PRKCQ: variants seen among roughly 807,000 people sequenced by gnomAD.
The protein encoded by PRKCQ is protein kinase C theta.
Under a neutral mutation model 91.2 loss-of-function variants are expected in PRKCQ, and 41 were observed. The ratio of observed to expected loss-of-function variants is 0.45; its 90% CI spans 0.35 to 0.58. PRKCQ has a LOEUF of 0.58. PRKCQ is among the 20% of genes least tolerant of loss of function. PRKCQ has a pLI of 0.00. For missense variants in PRKCQ, 673 were observed against 896.5 expected, an observed-to-expected ratio of 0.75 and a Z score of 3.18; for synonymous variants, 307 against 316.9, an observed-to-expected ratio of 0.97 and a Z score of 0.33.
rs1202441116 is a variant in PRKCQ at position 6,576,636 on chromosome 10, C to T, written c.-10+3575G>A. Among the ~76,000 whole-genome samples, 3 of 152,138 alleles carry T rather than the reference C, an allele frequency of 2.0e-5. No individual in the cohort carries two copies. Among genetic ancestry groups the T allele is most frequent in the Non-Finnish European group, 2.9e-5 (2 of 68,020 alleles). On this transcript the variant is annotated intron_variant, in intron 1 of 17. Transcript: ENST00000263125. This position sits in a 1 kb window ranked among gnomAD's most constrained non-coding sequence, Gnocchi z 4.2. ...TGTGGATGGATGATGGCAATGGTTG[C>T]AAAACAATGTGAATATACTTAATGT...
intron 4 of PRKCQ, among the ~76,000 whole-genome samples, chr10:6,499,005 C>A (rs1046789665): frequency 2.0e-5 from 3 of 152,158 alleles, no homozygotes; most frequent in Non-Finnish European, 2.9e-5. Context: ...TTGGGAACAG[C>A]ATTTCAGAGG....
At chr10:6,524,360 A>G (rs1028926605) in intron 1 of PRKCQ, among the ~76,000 whole-genome samples, 1 of 152,150 alleles carries the variant, frequency 6.6e-6, no homozygotes, top group Non-Finnish European at 1.5e-5. Context: ...GCTGGGGCTC[A>G]GCAAGTTTAG....
intron 1 of PRKCQ, among the ~76,000 whole-genome samples, chr10:6,551,809 G>C (rs987380838): frequency 6.6e-6 from 1 of 152,202 alleles, no homozygotes; most frequent in African/African-American, 2.4e-5. Context: ...ATGATAGAAC[G>C]ATTTCTATTC....
intron 15 of PRKCQ, among the ~76,000 whole-genome samples, chr10:6,453,448 A>T (rs1458154957): frequency 1.3e-5 from 2 of 152,226 alleles, no homozygotes; most frequent in Non-Finnish European, 2.9e-5. Context: ...GTGGAGAAAT[A>T]GGAACACTTT....
chr10:6,533,807 G>A (rs913631105), intron 1 of PRKCQ, among the ~76,000 whole-genome samples: 1 of 152,148 alleles, frequency 6.6e-6, no homozygotes, highest in Admixed American at 6.5e-5. Context: ...TAATGAATGA[G>A]ACTGTGTCTA....
Position 6,486,164 on chromosome 10 carries a change from T to C in PRKCQ, c.791-20A>G, listed in dbSNP as rs760493136. The C allele has an allele frequency of 4.4e-6, 7 of 1,602,464 alleles. No homozygotes were observed. Among genetic ancestry groups the C allele is most frequent in the East Asian group, 2.2e-5 (1 of 44,804 alleles). On this transcript the variant is annotated intron_variant, in intron 8 of 17. Coordinates refer to ENST00000263125, the MANE Select transcript of PRKCQ (RefSeq NM_006257.5). ...CACATGCTGGAAGGAAGAAGGCAGA[T>C]AGTGAGCAAGAGTGGAAGAACCCCC...
At chr10:6,397,782 G>A in the PRKCQ span, among the ~76,000 whole-genome samples, 1 of 152,074 alleles carries the variant, frequency 6.6e-6, no homozygotes, top group African/African-American at 2.4e-5. Flanking sequence ...AAAATTAGGC[G>A]GGCACAGCAG....
At chr10:6,408,469 C>G in the PRKCQ span, among the ~76,000 whole-genome samples, 1 of 152,176 alleles carries the variant, frequency 6.6e-6, no homozygotes, top group African/African-American at 2.4e-5. Context: ...ATTCTCCTGC[C>G]TCAGCCTCCC....
rs573688722 is a variant in PRKCQ at position 6,441,765 on chromosome 10, T to A, written c.1836+128A>T. On this transcript the variant is annotated intron_variant, in intron 16 of 17. Coordinates refer to ENST00000263125, the MANE Select transcript of PRKCQ (RefSeq NM_006257.5). The stretch of plus-strand genomic sequence containing the variant: ...TCTATTAAAACACAGACGGTGCACA[T>A]CCCATTTAAACCCAGTTCAATAATA... 2,736 of 934,580 alleles carry A rather than the reference T, an allele frequency of 2.9e-3. 7 individuals are homozygous for A. Among genetic ancestry groups the A allele is most frequent in the Non-Finnish European group, 4.0e-3 (2,586 of 639,776 alleles). 57.9% of individuals were successfully genotyped at this position (934,580 alleles called of 1,614,324 possible). A position where few individuals can be genotyped will look rare whatever the true frequency, so the allele number is the denominator to read the frequency against.
the PRKCQ span, among the ~76,000 whole-genome samples, chr10:6,402,667 G>A: frequency 6.6e-6 from 1 of 152,228 alleles, no homozygotes; most frequent in Non-Finnish European, 1.5e-5. Flanking sequence ...CGGGCAGGGT[G>A]GCTCATGCCC....
intron 1 of PRKCQ, chr10:6,515,368 T>C: frequency 2.1e-6 from 3 of 1,460,168 alleles, no homozygotes; most frequent in Non-Finnish European, 1.8e-6. Context: ...TCTGGAAGTC[T>C]GCACTCAACC....
At chr10:6,475,194 G>A (rs1235667252) in intron 12 of PRKCQ, among the ~76,000 whole-genome samples, 1 of 152,142 alleles carries the variant, frequency 6.6e-6, no homozygotes, top group Non-Finnish European at 1.5e-5. Flanking sequence ...CAGATTTCAT[G>A]AATTATCCTG....
chr10:6,523,919 C>CG (rs1192122106), intron 1 of PRKCQ, among the ~76,000 whole-genome samples: 1 of 152,080 alleles, frequency 6.6e-6, no homozygotes, highest in Non-Finnish European at 1.5e-5. Flanking sequence ...GTCCCAGCTT[C>CG]TTAACCTGTT....
At chr10:6,560,482 T>C (rs999722317) in intron 1 of PRKCQ, among the ~76,000 whole-genome samples, 7 of 152,170 alleles carry the variant, frequency 4.6e-5, no homozygotes, top group African/African-American at 1.7e-4. Flanking sequence ...AGGCAGCGCA[T>C]CATGGAACCA....
intron 15 of PRKCQ, among the ~76,000 whole-genome samples, chr10:6,442,727 C>T (rs928555351): frequency 7.2e-5 from 11 of 152,074 alleles, no homozygotes; most frequent in African/African-American, 1.2e-4. Context: ...TTTGGGAGGC[C>T]GAGGCTAGTG....
chr10:6,562,858 C>A (rs1200344959), intron 1 of PRKCQ, among the ~76,000 whole-genome samples: 1 of 152,128 alleles, frequency 6.6e-6, no homozygotes, highest in Non-Finnish European at 1.5e-5. Context: ...GTGATTAGAA[C>A]AGTTACTAGT....
intron 1 of PRKCQ, among the ~76,000 whole-genome samples, chr10:6,568,206 C>G (rs905240542): frequency 6.6e-5 from 10 of 151,924 alleles, no homozygotes; most frequent in African/African-American, 2.4e-4. Flanking sequence ...CAGAGCGAGA[C>G]TCTTGTCTCC....
At chr10:6,480,425 T>C (rs1392926902) in intron 11 of PRKCQ, among the ~76,000 whole-genome samples, 1 of 152,250 alleles carries the variant, frequency 6.6e-6, no homozygotes, top group Non-Finnish European at 1.5e-5. Flanking sequence ...GGACACCAGA[T>C]GGCATATGAT....
rs367588629 is a variant in PRKCQ at position 6,544,311 on chromosome 10, G to A, written c.-9-29167C>T. 4.9e-4 allele frequency among the ~76,000 whole-genome samples: 75 copies of A among 152,224 alleles called. 1 individual carries two copies. Among genetic ancestry groups the A allele is most frequent in the African/African-American group, 1.8e-3 (75 of 41,534 alleles). On this transcript the variant is annotated intron_variant, in intron 1 of 17. Coordinates refer to ENST00000263125, the MANE Select transcript of PRKCQ (RefSeq NM_006257.5). Reference sequence around the variant, plus strand: ...TTATGTTTCCACCAAAATCAACATCGCTCAAGGTTTTTCATCGGGGAGATT... The same window carrying A: ...TTATGTTTCCACCAAAATCAACATCACTCAAGGTTTTTCATCGGGGAGATT...
Sources: gnomAD v4.1 joint callset for allele counts (sites outside exome capture counted in the v4.1 genomes callset) on GRCh38, gnomAD v4.1.1 for gene constraint, Gnocchi (gnomAD v3.1) non-coding constraint, MANE v1.5 for transcripts, NCBI Gene and HGNC (gene_info 2026-07-23, HGNC 2026-07-21) for gene names.